The following HECW1 variants were observed in gnomAD, a reference collection of about 807,000 sequenced individuals.
The protein encoded by HECW1 is HECT, C2 and WW domain containing E3 ubiquitin protein ligase 1, also known as E3 ubiquitin-protein ligase HECW1.
A neutral mutation model predicts 182.3 loss-of-function variants in HECW1; 61 were observed. That is an observed-to-expected ratio of 0.33 (90% CI 0.27 to 0.41). The LOEUF (loss-of-function observed/expected upper bound fraction) is 0.41. Among genes scored for constraint, HECW1 ranks in the 10% least tolerant of loss-of-function variants. The probability of loss-of-function intolerance (pLI) is 1.00; values close to 1 mark genes in which losing one functional copy is unlikely to be tolerated. For synonymous variants in HECW1, 859 were observed against 832.6 expected (o/e 1.03, Z -0.55); for missense variants, 1,739 against 2,108.9 (o/e 0.82, Z 3.44).
At chr7:43,415,540 G>A (rs1403319552) in intron 8 of HECW1, among the ~76,000 whole-genome samples, 1 of 151,980 alleles carries the variant, frequency 6.6e-6, no homozygotes, top group Non-Finnish European at 1.5e-5. Context: ...TATCTTTGTG[G>A]CGTTCTCTGT....
At chr7:43,178,227 A>G (rs1264310619) in intron 2 of HECW1, among the ~76,000 whole-genome samples, 2 of 152,138 alleles carry the variant, frequency 1.3e-5, no homozygotes, top group Non-Finnish European at 2.9e-5. Context: ...GCTGGTCTCA[A>G]ACTCCTGAAC....
rs570066450 is a variant in HECW1, at chr7:43,287,142, T to A, written c.28-24621T>A. Among the ~76,000 whole-genome samples, 4 of 152,252 alleles carry A rather than the reference T, an allele frequency of 2.6e-5. No homozygotes were observed. The South Asian group carries it at 6.2e-4, about 24-fold the overall frequency. ...GAACAATAAACTAACGGAGTGTATGTTTGTTTTCAGTGGTGTTAAATTCTG... is the reference window on the plus strand; with the variant it reads ...GAACAATAAACTAACGGAGTGTATGATTGTTTTCAGTGGTGTTAAATTCTG... On this transcript the variant is annotated intron_variant, in intron 3 of 29. Coordinates refer to ENST00000395891, the MANE Select transcript of HECW1 (RefSeq NM_015052.5).
intron 6 of HECW1, among the ~76,000 whole-genome samples, chr7:43,365,169 C>T (rs1387780202): frequency 9.8e-5 from 15 of 152,346 alleles, no homozygotes; most frequent in Admixed American, 6.5e-4. Flanking sequence ...CTTTGCCTGC[C>T]GGTTCTCCTG....
At chr7:43,380,348 G>A (rs1428230705) in intron 6 of HECW1, among the ~76,000 whole-genome samples, 1 of 152,070 alleles carries the variant, frequency 6.6e-6, no homozygotes, top group South Asian at 2.1e-4. Flanking sequence ...ACAGGAATGA[G>A]CCACTGTGCC....
At chr7:43,288,264 A>C (rs554769724) in intron 3 of HECW1, among the ~76,000 whole-genome samples, 13 of 152,242 alleles carry the variant, frequency 8.5e-5, no homozygotes, top group Non-Finnish European at 1.9e-4. Context: ...GTAGAGTCAC[A>C]GGAGCTCTTG....
chr7:43,121,794 G>A (rs1296909258), intron 2 of HECW1: 1 of 152,056 alleles, frequency 6.6e-6, no homozygotes, highest in African/African-American at 2.4e-5. Context: ...TCACTCTCCT[G>A]TCTTTCAGCC....
At chr7:43,238,074 A>T (rs761668486) in intron 2 of HECW1, among the ~76,000 whole-genome samples, 4 of 152,182 alleles carry the variant, frequency 2.6e-5, no homozygotes, top group Non-Finnish European at 5.9e-5. Flanking sequence ...ACACCCTAGG[A>T]TTAGCTATTA....
At chr7:43,423,531 A>G (rs1389756732) in intron 8 of HECW1, among the ~76,000 whole-genome samples, 3 of 152,202 alleles carry the variant, frequency 2.0e-5, no homozygotes, top group Non-Finnish European at 4.4e-5. Flanking sequence ...GTCTGTTAGC[A>G]TCATTTTTCA....
intron 5 of HECW1, among the ~76,000 whole-genome samples, chr7:43,340,324 A>G (rs964682424): frequency 2.0e-5 from 3 of 147,520 alleles, no homozygotes; most frequent in East Asian, 2.0e-4. Flanking sequence ...GGGTTCAAGC[A>G]ATTCTCCTGC....
At chr7:43,529,301 C>G (rs2152945462) in intron 24 of HECW1, among the ~76,000 whole-genome samples, 1 of 152,260 alleles carries the variant, frequency 6.6e-6, no homozygotes. Context: ...CCTTCATTCC[C>G]TGCACACCCA....
At chr7:43,345,825 C>T (rs1465877922) in intron 5 of HECW1, among the ~76,000 whole-genome samples, 1 of 129,564 alleles carries the variant, frequency 7.7e-6, no homozygotes, top group African/African-American at 2.8e-5. Flanking sequence ...CACACACACA[C>T]ACATCATATA....
intron 24 of HECW1, among the ~76,000 whole-genome samples, chr7:43,512,696 G>A (rs768623983): frequency 7.2e-5 from 11 of 152,148 alleles, no homozygotes; most frequent in South Asian, 6.2e-4. Flanking sequence ...ATTTAATACC[G>A]ATTGGTTTGC....
At chr7:43,305,726 G>A (rs573566950) in intron 3 of HECW1, among the ~76,000 whole-genome samples, 37 of 151,376 alleles carry the variant, frequency 2.4e-4, no homozygotes, top group Non-Finnish European at 4.3e-4. Context: ...CACAGCTTCA[G>A]CAGCTGCGAT....
intron 2 of HECW1, among the ~76,000 whole-genome samples, chr7:43,191,287 T>C (rs112012224): frequency 1.6e-4 from 24 of 152,322 alleles, no homozygotes; most frequent in African/African-American, 5.3e-4. Flanking sequence ...ACCCCCAGAC[T>C]AGAAGATACC....
intron 24 of HECW1, among the ~76,000 whole-genome samples, chr7:43,523,472 C>T (rs927011708): frequency 2.6e-5 from 4 of 152,036 alleles, no homozygotes; most frequent in African/African-American, 9.7e-5. Flanking sequence ...GGAAGAAGAG[C>T]CCAGAGGAGG....
chr7:43,327,790 T>A (rs1263423791), intron 5 of HECW1, among the ~76,000 whole-genome samples: 2 of 152,110 alleles, frequency 1.3e-5, no homozygotes. Flanking sequence ...CCCTTTGAGG[T>A]TATCATGCAT....
intron 6 of HECW1, among the ~76,000 whole-genome samples, chr7:43,371,607 A>G (rs1413426508): frequency 1.3e-5 from 2 of 152,178 alleles, no homozygotes; most frequent in Non-Finnish European, 2.9e-5. Flanking sequence ...AGCAAAATTT[A>G]TCAAATTTAT....
intron 2 of HECW1, among the ~76,000 whole-genome samples, chr7:43,162,222 T>C (rs1583763170): frequency 1.3e-5 from 2 of 152,240 alleles, no homozygotes; most frequent in Non-Finnish European, 2.9e-5. Flanking sequence ...TCAGTTTCCT[T>C]GGGCTGCCGT....
chr7:43,199,185 C>T (rs1424722362), intron 2 of HECW1, among the ~76,000 whole-genome samples: 1 of 152,242 alleles, frequency 6.6e-6, no homozygotes, highest in Non-Finnish European at 1.5e-5. Flanking sequence ...CGCCTGGTCT[C>T]TTATGATTAC....
Sources: allele counts gnomAD v4.1 joint callset (sites outside exome capture counted in the v4.1 genomes callset), GRCh38; gene constraint gnomAD v4.1.1; transcripts MANE v1.5; gene names NCBI Gene and HGNC (gene_info 2026-07-23, HGNC 2026-07-21).